Variants in ENTREP1 observed in about 807,000 individuals in gnomAD.
The protein encoded by ENTREP1 is endosomal transmembrane epsin interactor 1.
chr9:69,365,952 C>T, the ENTREP1 span, among the ~76,000 whole-genome samples: 11,686 of 152,110 alleles, frequency 0.077, 451 homozygotes, highest in Non-Finnish European at 0.084. Flanking sequence ...AGGTTGCTTC[C>T]ATAACTTAGC....
the ENTREP1 span, among the ~76,000 whole-genome samples, chr9:69,350,218 C>G: frequency 6.6e-6 from 1 of 152,100 alleles, no homozygotes; most frequent in Admixed American, 6.6e-5. Context: ...AGCTGTTTTG[C>G]TTAGGTCTTT....
the ENTREP1 span, among the ~76,000 whole-genome samples, chr9:69,338,279 A>C: frequency 0.22 from 34,060 of 152,092 alleles, 3,933 homozygotes; most frequent in Non-Finnish European, 0.24. Flanking sequence ...TCTATGAAAA[A>C]TTTTGGTTGG....
At chr9:69,386,023 C>T in the ENTREP1 span, 1 of 1,450,302 alleles carries the variant, frequency 6.9e-7, no homozygotes, top group Non-Finnish European at 9.2e-7. Flanking sequence ...GCAGGTGGCT[C>T]TGGCCAGCTC....
chr9:69,324,709 C>G, the ENTREP1 span: 5 of 983,946 alleles, frequency 5.1e-6, no homozygotes, highest in Non-Finnish European at 6.0e-6. Context: ...ACACCTCTTC[C>G]CATCGAGTCG....
the ENTREP1 span, chr9:69,371,570 A>G: frequency 6.2e-7 from 1 of 1,613,860 alleles, no homozygotes. Context: ...TAGGCTGCCA[A>G]GGGGCCCAGT....
At chr9:69,391,638 A>G in the ENTREP1 span, 11 of 1,614,024 alleles carry the variant, frequency 6.8e-6, 1 homozygote, top group South Asian at 1.1e-4. Context: ...TCCAGGGCCC[A>G]CAAGCTGCCC....
At chr9:69,331,109 T>A in the ENTREP1 span, among the ~76,000 whole-genome samples, 11,192 of 152,202 alleles carry the variant, frequency 0.074, 479 homozygotes, top group East Asian at 0.17. Flanking sequence ...ACACATTTTT[T>A]AAAAAGTTGC....
the ENTREP1 span, among the ~76,000 whole-genome samples, chr9:69,338,041 C>T: frequency 6.6e-6 from 1 of 152,142 alleles, no homozygotes; most frequent in Non-Finnish European, 1.5e-5. Flanking sequence ...TCTTGAAAAA[C>T]TAACCTGAAG....
At chr9:69,338,794 T>A in the ENTREP1 span, among the ~76,000 whole-genome samples, 7 of 152,224 alleles carry the variant, frequency 4.6e-5, no homozygotes, top group Non-Finnish European at 7.3e-5. Context: ...TATTTCTGTA[T>A]CATCATCAAT....
At chr9:69,344,830 C>T in the ENTREP1 span, among the ~76,000 whole-genome samples, 1 of 152,146 alleles carries the variant, frequency 6.6e-6, no homozygotes, top group African/African-American at 2.4e-5. Flanking sequence ...GAAGTGCCAG[C>T]TCCCGGGTTC....
At chr9:69,388,210 T>G in the ENTREP1 span, 2 of 1,614,164 alleles carry the variant, frequency 1.2e-6, no homozygotes, top group Admixed American at 3.3e-5. Context: ...GGAGACTGGA[T>G]CTGGCTGCAG....
the ENTREP1 span, chr9:69,387,246 C>G: frequency 2.0e-5 from 3 of 152,348 alleles, no homozygotes; most frequent in Non-Finnish European, 4.4e-5. Context: ...TGGTTTAGAG[C>G]TCCCCACACC....
the ENTREP1 span, among the ~76,000 whole-genome samples, chr9:69,367,852 TATATACACAC>T: frequency 0.11 from 13,991 of 124,636 alleles, 3,371 homozygotes; most frequent in Non-Finnish European, 0.15. Context: ...TATATATAAA[TATATACACAC>T]ATATATATAA....
At chr9:69,360,808 T>G in the ENTREP1 span, among the ~76,000 whole-genome samples, 1 of 151,786 alleles carries the variant, frequency 6.6e-6, no homozygotes, top group South Asian at 2.1e-4. Context: ...TTTCCCTCAC[T>G]CCCCACAAAT....
the ENTREP1 span, chr9:69,382,964 T>C: frequency 1.0e-6 from 1 of 956,492 alleles, no homozygotes; most frequent in Non-Finnish European, 1.2e-6. Context: ...AAACTTAGGT[T>C]CATCATTATC....
At chr9:69,377,699 C>A in the ENTREP1 span, 14 of 1,614,120 alleles carry the variant, frequency 8.7e-6, no homozygotes, top group Middle Eastern at 1.7e-4. Flanking sequence ...CCTCCCCCTT[C>A]CTATTTTGCC....
chr9:69,390,946 AT>A, the ENTREP1 span, among the ~76,000 whole-genome samples: 1,626 of 133,582 alleles, frequency 0.012, 24 homozygotes, highest in African/African-American at 0.042. Flanking sequence ...CAGCTAATTA[AT>A]TTTTTTTTTT....
the ENTREP1 span, among the ~76,000 whole-genome samples, chr9:69,335,538 T>G: frequency 6.6e-6 from 1 of 152,062 alleles, no homozygotes; most frequent in Non-Finnish European, 1.5e-5. Flanking sequence ...AGGTATGTGG[T>G]GGAGGGGCCA....
At chr9:69,391,780 G>T in the ENTREP1 span, 4 of 1,609,376 alleles carry the variant, frequency 2.5e-6, no homozygotes, top group Non-Finnish European at 8.5e-7. Context: ...GCCTCATTGG[G>T]GTCATCCGAG....
Sources: gnomAD v4.1 joint callset for allele counts (sites outside exome capture counted in the v4.1 genomes callset) on GRCh38, gnomAD v4.1.1 for gene constraint, MANE v1.5 for transcripts, NCBI Gene and HGNC (gene_info 2026-07-23, HGNC 2026-07-21) for gene names.